The following SH3D19 variants were observed in gnomAD, a reference collection of about 807,000 sequenced individuals.
SH3D19 encodes SH3 domain containing 19.
Under a neutral mutation model 112.1 loss-of-function variants are expected in SH3D19, and 58 were observed. That is an observed-to-expected ratio of 0.52 (90% CI 0.42 to 0.64). The LOEUF is 0.64. SH3D19 is among the 30% of genes least tolerant of loss of function. The pLI is 0.00. For synonymous variants in SH3D19, 391 were observed against 448.5 expected (o/e 0.87, Z 1.62); for missense variants, 1,090 against 1,263.4 (o/e 0.86, Z 2.08).
chr4:151,298,976 A>G (rs1372236623), intron 1 of SH3D19, among the ~76,000 whole-genome samples: 1 of 152,238 alleles, frequency 6.6e-6, no homozygotes, highest in Non-Finnish European at 1.5e-5. Context: ...ACATAATCGT[A>G]GTGTTCCTCA....
intron 2 of SH3D19, among the ~76,000 whole-genome samples, chr4:151,217,202 T>C (rs996997475): frequency 5.3e-5 from 8 of 152,162 alleles, no homozygotes; most frequent in African/African-American, 1.9e-4. Context: ...CAGCAGAGCA[T>C]GGTATTTTGA....
intron 1 of SH3D19, among the ~76,000 whole-genome samples, chr4:151,258,830 C>T (rs1246748864): frequency 6.6e-6 from 1 of 152,116 alleles, no homozygotes; most frequent in Non-Finnish European, 1.5e-5. Context: ...ACTGGCCTCT[C>T]CCTGGGATCC....
At position 151,240,107 on chromosome 4, in the gene SH3D19, G is replaced by GA. The variant is rs1185283627; in HGVS notation, c.113-14022dup. Among the ~76,000 whole-genome samples, 4 of 51,308 alleles carry GA rather than the reference G, an allele frequency of 7.8e-5. No homozygotes were observed. In the East Asian group the frequency reaches 5.2e-3, roughly 67 times the overall value. 33.7% of individuals were successfully genotyped at this position (51,308 alleles called of 152,430 possible). ...TACGGAGATCCTATCGCTACCAAAA[G>GA]AAATTTTTTTTAATTAGCTGGGCAC... On this transcript the variant is annotated intron_variant, in intron 1 of 19. Transcript: ENST00000604030.
chr4:151,170,901 C>A (rs1253609865), intron 7 of SH3D19: 2 of 152,232 alleles, frequency 1.3e-5, no homozygotes, highest in Non-Finnish European at 2.9e-5. Context: ...TCATACATTA[C>A]TGTACATTGC....
At chr4:151,152,638 C>T (rs930406993) in intron 9 of SH3D19, among the ~76,000 whole-genome samples, 2 of 151,512 alleles carry the variant, frequency 1.3e-5, no homozygotes, top group Non-Finnish European at 2.9e-5. Context: ...CCCACCTCAG[C>T]CTGCCGAGTA....
At chr4:151,145,438 C>T (rs531962583) in intron 11 of SH3D19, among the ~76,000 whole-genome samples, 1 of 152,270 alleles carries the variant, frequency 6.6e-6, no homozygotes, top group South Asian at 2.1e-4. Context: ...GACAATGAGT[C>T]TCCTGATCTC....
chr4:151,283,508 CTTTT>C (rs5862956), intron 1 of SH3D19, among the ~76,000 whole-genome samples: 5 of 126,532 alleles, frequency 4.0e-5, no homozygotes, highest in Admixed American at 8.0e-5. Flanking sequence ...GGTCATTGGA[CTTTT>C]TTTTTTTTTT....
At chr4:151,214,931 G>A (rs1386750017) in intron 2 of SH3D19, among the ~76,000 whole-genome samples, 1 of 142,680 alleles carries the variant, frequency 7.0e-6, no homozygotes, top group Non-Finnish European at 1.6e-5. Context: ...GTTGCCAGGC[G>A]GAGGGTCTCC....
intron 12 of SH3D19, among the ~76,000 whole-genome samples, chr4:151,143,139 A>G (rs936335797): frequency 2.6e-5 from 4 of 151,452 alleles, no homozygotes; most frequent in Non-Finnish European, 4.4e-5. Context: ...CAGGAGGCTG[A>G]GGTGGGAGGA....
intron 3 of SH3D19, among the ~76,000 whole-genome samples, chr4:151,180,500 G>A (rs773854674): frequency 6.2e-5 from 9 of 144,682 alleles, no homozygotes; most frequent in Non-Finnish European, 1.2e-4. Context: ...TCTGCCTCCT[G>A]GGTTCACACC....
intron 1 of SH3D19, among the ~76,000 whole-genome samples, chr4:151,280,296 T>A (rs144668892): frequency 1.8e-4 from 27 of 152,222 alleles, no homozygotes; most frequent in African/African-American, 5.8e-4. Flanking sequence ...ATGTGGTGAG[T>A]GTCCCTATGG....
intron 1 of SH3D19, among the ~76,000 whole-genome samples, chr4:151,300,050 A>C (rs1414104870): frequency 1.3e-5 from 2 of 151,994 alleles, no homozygotes; most frequent in Admixed American, 6.6e-5. Context: ...AAAAATACAA[A>C]ATTAGCCAGG....
chr4:151,239,718 C>A (rs912950917), intron 1 of SH3D19, among the ~76,000 whole-genome samples: 1 of 151,954 alleles, frequency 6.6e-6, no homozygotes, highest in African/African-American at 2.4e-5. Flanking sequence ...GTCAAAAACA[C>A]AGAGATAGAA....
chr4:151,177,164 C>G (rs1760080242), intron 4 of SH3D19, among the ~76,000 whole-genome samples: 1 of 152,218 alleles, frequency 6.6e-6, no homozygotes, highest in Non-Finnish European at 1.5e-5. Flanking sequence ...TCCTCTATGA[C>G]TTTGGCCTCA....
intron 18 of SH3D19, 67 bp from the exon 19 acceptor site, chr4:151,127,782 T>TA (rs1444173384): frequency 1.3e-5 from 12 of 938,836 alleles, no homozygotes; most frequent in South Asian, 2.1e-5. Context: ...CTAACATTTT[T>TA]TAAAAAAAAA....
chr4:151,288,636 T>C (rs1775045996), intron 1 of SH3D19, among the ~76,000 whole-genome samples: 1 of 151,058 alleles, frequency 6.6e-6, no homozygotes. Flanking sequence ...GCCACTGCAC[T>C]CCAGCCTGGG....
intron 1 of SH3D19, among the ~76,000 whole-genome samples, chr4:151,249,147 G>A (rs9996742): frequency 0.32 from 49,061 of 152,014 alleles, 9,374 homozygotes; most frequent in Non-Finnish European, 0.44. Flanking sequence ...CACAATAAAG[G>A]TATTCAAAAC....
At chr4:151,312,920 A>T (rs907588408) in intron 1 of SH3D19, among the ~76,000 whole-genome samples, 17 of 150,192 alleles carry the variant, frequency 1.1e-4, no homozygotes, top group South Asian at 6.3e-4. Flanking sequence ...AAAAATAAAT[A>T]AAATAAATAA....
At chr4:151,236,251 G>A (rs907608156) in intron 1 of SH3D19, among the ~76,000 whole-genome samples, 1 of 152,280 alleles carries the variant, frequency 6.6e-6, no homozygotes, top group Non-Finnish European at 1.5e-5. Flanking sequence ...GCAAGCGGGA[G>A]CCGGGGCTGC....
Sources: gnomAD v4.1 joint callset for allele counts (sites outside exome capture counted in the v4.1 genomes callset) on GRCh38, gnomAD v4.1.1 for gene constraint, MANE v1.5 for transcripts, NCBI Gene and HGNC (gene_info 2026-07-23, HGNC 2026-07-21) for gene names.